ANO6: variants seen among roughly 807,000 people sequenced by gnomAD.
The protein encoded by ANO6 is anoctamin-6.
A neutral mutation model predicts 117.5 loss-of-function variants in ANO6; 106 were observed. The observed-to-expected ratio is 0.90, with a 90% CI of 0.77 to 1.06. The LOEUF (loss-of-function observed/expected upper bound fraction) is 1.06. Ranked by LOEUF, ANO6 falls within the 50% of genes least tolerant of loss-of-function variation. The pLI is 0.00. For synonymous variants in ANO6, 367 were observed against 385.1 expected (o/e 0.95, Z 0.55); for missense variants, 955 against 1,121.1 (o/e 0.85, Z 2.12).
chr12:45,418,402 G>GA (rs1187892591), intron 17 of ANO6, among the ~76,000 whole-genome samples: 7 of 152,290 alleles, frequency 4.6e-5, no homozygotes, highest in African/African-American at 1.4e-4. Flanking sequence ...GCTGCAAAAT[G>GA]AAGACTGCTG....
chr12:45,326,507 G>A (rs1456566129), intron 2 of ANO6, among the ~76,000 whole-genome samples: 2 of 152,024 alleles, frequency 1.3e-5, no homozygotes, highest in Non-Finnish European at 2.9e-5. Context: ...ATGGAAAGTC[G>A]GTCAACAGGC....
chr12:45,302,087 G>A lies in ANO6; in HGVS notation c.144G>A (p.Pro48=), dbSNP rs775591959. The A allele has an allele frequency of 2.2e-5, 35 of 1,613,696 alleles. No individual in the cohort carries two copies. The Admixed American group carries it at 3.2e-4, about 15-fold the overall frequency. ...AAAGTCAGCATGATTTTCGAACCCCGGAGTTTGTGAGTACTATTCCTTTAT... is the reference window on the plus strand; with the variant it reads ...AAAGTCAGCATGATTTTCGAACCCCAGAGTTTGTGAGTACTATTCCTTTAT... ...SLESQHDFRT[P]EFEEFNGKPD... Residue 48 remains proline, a synonymous_variant, in exon 2 of 20, where the codon CCG becomes CCA. Coordinates refer to ENST00000320560, the MANE Select transcript of ANO6 (RefSeq NM_001025356.3).
chr12:45,232,505 C>G (rs1947587662), intron 1 of ANO6, among the ~76,000 whole-genome samples: 1 of 152,202 alleles, frequency 6.6e-6, no homozygotes, highest in East Asian at 1.9e-4. Context: ...AGATGGCTGA[C>G]AAGTGCACCT....
intron 1 of ANO6, among the ~76,000 whole-genome samples, chr12:45,291,226 A>G (rs2137277163): frequency 6.6e-6 from 1 of 152,092 alleles, no homozygotes; most frequent in South Asian, 2.1e-4. Flanking sequence ...CATGCCTGTA[A>G]TCCCAGCTAC....
intron 15 of ANO6, 117 bp from the exon 16 acceptor site, chr12:45,409,240 A>C (rs1943023326): frequency 3.6e-6 from 5 of 1,371,522 alleles, no homozygotes; most frequent in Non-Finnish European, 5.1e-6. Flanking sequence ...TAGCATGCAA[A>C]CAAAAAAATA....
At chr12:45,358,420 C>G (rs1272889075) in intron 8 of ANO6, among the ~76,000 whole-genome samples, 1 of 152,066 alleles carries the variant, frequency 6.6e-6, no homozygotes, top group Non-Finnish European at 1.5e-5. Context: ...AATGTTGTTA[C>G]CTTTTCTCTA....
chr12:45,317,113 G>GTGTGTATATATATATATATATATATATA, intron 2 of ANO6, among the ~76,000 whole-genome samples: 2 of 66,448 alleles, frequency 3.0e-5, no homozygotes, highest in Non-Finnish European at 3.7e-5. Flanking sequence ...CTTTTTATAT[G>GTGTGTATATATATATATATATATATATA]TATATATATA....
chr12:45,231,147 A>T (rs1232270290), intron 1 of ANO6, among the ~76,000 whole-genome samples: 1 of 152,232 alleles, frequency 6.6e-6, no homozygotes, highest in African/African-American at 2.4e-5. Context: ...ATTTTCCTAC[A>T]AAACTAGAAT....
chr12:45,392,196 C>G (rs1942472728), intron 12 of ANO6, among the ~76,000 whole-genome samples: 1 of 152,238 alleles, frequency 6.6e-6, no homozygotes, highest in Admixed American at 6.5e-5. Context: ...CAAAGTGATT[C>G]TCTACCATGC....
chr12:45,416,917 A>C lies in ANO6; in HGVS notation c.2217+13A>C. On this transcript the variant is annotated intron_variant, in intron 17 of 19. Transcript: ENST00000320560. ...TGTGGTGACCAATGTGAGTAGACCT[A>C]AGCTTTACAGAGTAAAGACCTTGAA... The C allele has an allele frequency of 6.2e-7, 1 of 1,613,664 alleles. No homozygotes were observed.
intron 12 of ANO6, among the ~76,000 whole-genome samples, chr12:45,394,993 G>A (rs1942569308): frequency 6.6e-6 from 1 of 151,874 alleles, no homozygotes; most frequent in Admixed American, 6.6e-5. Flanking sequence ...ATAACTAAGA[G>A]CAGAACTGAA....
At chr12:45,414,396 T>C (rs995001965) in intron 16 of ANO6, among the ~76,000 whole-genome samples, 1 of 152,114 alleles carries the variant, frequency 6.6e-6, no homozygotes, top group Admixed American at 6.6e-5. Context: ...ATTTTTAATA[T>C]AATATTTTTA....
At chr12:45,240,217 T>C (rs1422388461) in intron 1 of ANO6, among the ~76,000 whole-genome samples, 1 of 152,094 alleles carries the variant, frequency 6.6e-6, no homozygotes, top group Non-Finnish European at 1.5e-5. Flanking sequence ...CTGTATTGGG[T>C]GCGTATATAT....
chr12:45,241,083 T>C (rs1947735660), intron 1 of ANO6, among the ~76,000 whole-genome samples: 1 of 152,230 alleles, frequency 6.6e-6, no homozygotes, highest in Admixed American at 6.5e-5. Context: ...TTCCCTGAAT[T>C]TGAATGTTGG....
Position 45,334,503 on chromosome 12 carries a change from G to T in ANO6, c.279+3080G>T, listed in dbSNP as rs146473798. Among the ~76,000 whole-genome samples, 49 of 152,124 alleles carry T rather than the reference G, an allele frequency of 3.2e-4. No homozygotes were observed. The East Asian group carries it at 9.3e-3, about 29-fold the overall frequency. ...CAGAGAGAAGGAATGCCCCTTCTCA[G>T]GGCTGTTTTTTAAGAGGGAAGAAAG... On this transcript the variant is annotated intron_variant, in intron 3 of 19. Transcript: ENST00000320560.
At chr12:45,216,538 C>T in intron 1 of ANO6, 147 bp downstream of exon 1, 2 of 919,962 alleles carry the variant, frequency 2.2e-6, no homozygotes, top group Non-Finnish European at 3.2e-6. Flanking sequence ...GCCCGCTGTC[C>T]CCGGCTGCTT....
intron 4 of ANO6, 47 bp from the exon 5 acceptor site, chr12:45,347,981 T>C (rs372652788): frequency 3.3e-5 from 52 of 1,575,038 alleles, no homozygotes; most frequent in Non-Finnish European, 4.3e-5. Context: ...TTTAAAATTG[T>C]GAAAAGAGTT....
chr12:45,317,080 CTT>C (rs1418950786), intron 2 of ANO6, among the ~76,000 whole-genome samples: 1 of 109,158 alleles, frequency 9.2e-6, no homozygotes, highest in African/African-American at 3.0e-5. Flanking sequence ...TTGCAGATCT[CTT>C]TAAGAAAAGA....
chr12:45,431,555 T>C lies in ANO6; in HGVS notation c.*2244T>C, dbSNP rs1943633436. On this transcript the variant is annotated 3_prime_UTR_variant, in exon 20 of 20. Transcript: ENST00000320560. Reference sequence around the variant, plus strand: ...GAGGGGAAAAAAAACCCTCTACATATTGAAAGGCACCAAATGTAATATCTG... The same window carrying C: ...GAGGGGAAAAAAAACCCTCTACATACTGAAAGGCACCAAATGTAATATCTG... 10 of 985,420 alleles carry C rather than the reference T, an allele frequency of 1.0e-5. No individual in the cohort carries two copies. Among genetic ancestry groups the C allele is most frequent in the Non-Finnish European group, 1.1e-5 (9 of 829,940 alleles). 61.0% of individuals were successfully genotyped at this position (985,420 alleles called of 1,614,324 possible).
Sources: gnomAD v4.1 joint callset for allele counts (sites outside exome capture counted in the v4.1 genomes callset) on GRCh38, gnomAD v4.1.1 for gene constraint, MANE v1.5 for transcripts, NCBI Gene and HGNC (gene_info 2026-07-23, HGNC 2026-07-21) for gene names.